The following PTK7 variants were observed in gnomAD, a reference collection of about 807,000 sequenced individuals.
PTK7 encodes inactive tyrosine-protein kinase 7.
Under a neutral mutation model 116.6 loss-of-function variants are expected in PTK7, and 39 were observed. That is an observed-to-expected ratio of 0.33 (90% CI 0.26 to 0.44). The LOEUF is 0.44. PTK7 is among the 20% of genes least tolerant of loss of function. The pLI is 1.00. For synonymous variants in PTK7, 546 were observed against 563.6 expected, an observed-to-expected ratio of 0.97 and a Z score of 0.44; for missense variants, 1,169 against 1,425.6, an observed-to-expected ratio of 0.82 and a Z score of 2.90.
chr6:43,109,819 C>A (rs1489525026), intron 1 of PTK7, among the ~76,000 whole-genome samples: 1 of 151,566 alleles, frequency 6.6e-6, no homozygotes, highest in Non-Finnish European at 1.5e-5. Flanking sequence ...CTGGCTTAGC[C>A]TCCCGAGTAG....
intron 1 of PTK7, among the ~76,000 whole-genome samples, chr6:43,122,012 C>T (rs535434153): frequency 1.1e-4 from 17 of 152,272 alleles, no homozygotes; most frequent in Non-Finnish European, 2.1e-4. Flanking sequence ...CATGCAGGCA[C>T]GTGCCTGTGG....
intron 1 of PTK7, among the ~76,000 whole-genome samples, chr6:43,091,129 T>G (rs1220790837): frequency 6.6e-6 from 1 of 151,732 alleles, no homozygotes; most frequent in Admixed American, 6.6e-5. Context: ...TTAGTTTACT[T>G]CACTTCTCTG....
intron 1 of PTK7, among the ~76,000 whole-genome samples, chr6:43,083,533 T>C (rs565802670): frequency 2.0e-5 from 3 of 152,368 alleles, no homozygotes; most frequent in East Asian, 1.9e-4. Context: ...CTCTGTAGTA[T>C]GTCACTTTTT....
intron 17 of PTK7, among the ~76,000 whole-genome samples, chr6:43,157,973 G>T (rs900306339): frequency 6.6e-6 from 1 of 152,170 alleles, no homozygotes; most frequent in Non-Finnish European, 1.5e-5. Context: ...TGATCCACCT[G>T]CCTTGGTAAA....
intron 1 of PTK7, among the ~76,000 whole-genome samples, chr6:43,093,865 A>G (rs546615739): frequency 5.3e-5 from 8 of 152,334 alleles, no homozygotes; most frequent in Non-Finnish European, 1.0e-4. Context: ...AAGGGCTGGG[A>G]TACAGAATCT....
At chr6:43,149,059 C>CAACAAAAAA (rs1491108402) in intron 17 of PTK7, among the ~76,000 whole-genome samples, 1 of 69,834 alleles carries the variant, frequency 1.4e-5, no homozygotes, top group Non-Finnish European at 2.7e-5. Context: ...GACTTTGTCT[C>CAACAAAAAA]AAAAAAAAAA....
chr6:43,158,193 G>A (rs1771629423), intron 17 of PTK7, among the ~76,000 whole-genome samples: 1 of 151,948 alleles, frequency 6.6e-6, no homozygotes, highest in Admixed American at 6.6e-5. Flanking sequence ...CAGCTACTCG[G>A]GAGGCTGAGT....
Position 43,129,242 on chromosome 6 carries a change from C to G in PTK7, c.345C>G (p.Ala115=), listed in dbSNP as rs1416033142. ...DDVTGEEARS[A]NASFNIKWIE... is the part of the protein sequence containing the mutation. ...TCACTGGAGAAGAAGCCCGCAGTGC[C>G]AACGCCTCCTTCAACATCAAATGTG... Residue 115 remains alanine (A), a synonymous_variant, in exon 2 of 20, where the codon GCC becomes GCG. Coordinates refer to ENST00000230419, the MANE Select transcript of PTK7 (RefSeq NM_002821.5). This position sits in a 1 kb window ranked among gnomAD's most constrained non-coding sequence, Gnocchi z 4.5. 3 of 1,614,004 alleles carry G rather than the reference C, an allele frequency of 1.9e-6. No individual in the cohort carries two copies. The highest frequency in any genetic ancestry group is 1.7e-6 in the Non-Finnish European group (2 of 1,180,040).
chr6:43,135,782 A>T (rs1769998518), intron 7 of PTK7, among the ~76,000 whole-genome samples: 1 of 152,250 alleles, frequency 6.6e-6, no homozygotes, highest in South Asian at 2.1e-4. Context: ...ATTGCTACAT[A>T]GCAAACCACT....
At chr6:43,135,901 A>G (rs1305073371) in intron 7 of PTK7, among the ~76,000 whole-genome samples, 1 of 152,174 alleles carries the variant, frequency 6.6e-6, no homozygotes. Context: ...CTAAAAATAC[A>G]AAAATGGCTG....
rs777724738 is a variant in PTK7 at position 43,132,476 on chromosome 6, G to A, written c.1017G>A (p.Glu339=). 2.5e-6 allele frequency: 4 copies of A among 1,600,854 alleles called. No homozygotes were observed. In the South Asian group the frequency reaches 3.3e-5, roughly 13 times the overall value. The change falls in exon 7 of 20, where the codon GAG becomes GAA. Residue 339 remains glutamate, a synonymous_variant. Coordinates refer to ENST00000230419, the MANE Select transcript of PTK7 (RefSeq NM_002821.5). ...EPRVFTAGSE[E]RVTCLPPKGL... ...GGGTGTTTACAGCTGGCAGCGAGGA[G>A]CGTGTGACCTGCCTTCCCCCCAAGG... is the stretch of plus-strand genomic sequence containing the variant.
chr6:43,114,099 G>A (rs1471245082), intron 1 of PTK7, among the ~76,000 whole-genome samples: 3 of 152,176 alleles, frequency 2.0e-5, no homozygotes, highest in Non-Finnish European at 4.4e-5. Context: ...AGAAACACAG[G>A]ACAGACCTGC....
intron 16 of PTK7, 30 bp from the exon 17 acceptor site, chr6:43,146,588 C>G (rs1582201013): frequency 6.3e-7 from 1 of 1,599,742 alleles, no homozygotes. Flanking sequence ...TGTGCACTGA[C>G]CTGAGCGAGA....
At chr6:43,112,995 A>AT (rs202214591) in intron 1 of PTK7, among the ~76,000 whole-genome samples, 27 of 151,402 alleles carry the variant, frequency 1.8e-4, no homozygotes, top group African/African-American at 5.3e-4. Context: ...CACACAGCTA[A>AT]TTTTTTTCTT....
At chr6:43,128,369 A>G (rs1769424556) in intron 1 of PTK7, among the ~76,000 whole-genome samples, 1 of 152,026 alleles carries the variant, frequency 6.6e-6, no homozygotes. Flanking sequence ...CTGCCTGCCC[A>G]CCCCATTCAT....
At position 43,076,499 on chromosome 6, in the gene PTK7, C is replaced by T. The variant is rs760255490; in HGVS notation, c.11C>T (p.Ala4Val). Residue 4 changes from alanine to valine, a missense_variant, in exon 1 of 20, where the codon GCG (alanine) becomes GTG (valine). Transcript: ENST00000230419. This position sits in a 1 kb window ranked among gnomAD's most constrained non-coding sequence, Gnocchi z 5.7. Reference protein sequence around the residue: MGAARGSPARPRRL... With the variant: MGAVRGSPARPRRL... ...CCTGAGCCCGCCGCGATGGGAGCTG[C>T]GCGGGGATCCCCGGCCAGACCCCGC... 6.4e-6 allele frequency: 10 copies of T among 1,570,218 alleles called. No individual in the cohort carries two copies. In the South Asian group the frequency reaches 6.9e-5, roughly 11 times the overall value.
At chr6:43,081,026 C>G (rs1481984635) in intron 1 of PTK7, among the ~76,000 whole-genome samples, 1 of 152,080 alleles carries the variant, frequency 6.6e-6, no homozygotes, top group East Asian at 1.9e-4. Flanking sequence ...ATTCCTTCAG[C>G]TTTACAGTCA....
intron 1 of PTK7, among the ~76,000 whole-genome samples, chr6:43,100,961 G>A (rs1767538563): frequency 6.6e-6 from 1 of 152,226 alleles, no homozygotes; most frequent in African/African-American, 2.4e-5. Flanking sequence ...CACTGGGTGC[G>A]GTGGCTCACG....
intron 15 of PTK7, chr6:43,144,922 C>A (rs547112371): frequency 2.4e-6 from 1 of 412,366 alleles, no homozygotes; most frequent in African/African-American, 2.0e-5. Context: ...GTCATAGTTA[C>A]GTTTTTTCCT....
Sources: allele counts gnomAD v4.1 joint callset (sites outside exome capture counted in the v4.1 genomes callset), GRCh38; gene constraint gnomAD v4.1.1; non-coding constraint Gnocchi (gnomAD v3.1); transcripts MANE v1.5; gene names NCBI Gene and HGNC (gene_info 2026-07-23, HGNC 2026-07-21).